Variants in ADGRL3 observed in about 807,000 individuals in gnomAD.
ADGRL3 encodes calcium-independent alpha-latrotoxin receptor 3.
ADGRL3 carries 62 observed loss-of-function variants against 153.5 expected under a neutral mutation model. That is an observed-to-expected ratio of 0.40 (90% CI 0.33 to 0.50). The LOEUF (loss-of-function observed/expected upper bound fraction) is 0.50. Among genes scored for constraint, ADGRL3 ranks in the 20% least tolerant of loss-of-function variants. The pLI, the probability that ADGRL3 is intolerant of heterozygous loss-of-function variation, is 0.47. For missense variants in ADGRL3, 1,641 were observed against 1,859.4 expected (o/e 0.88, Z 2.16); for synonymous variants, 710 against 672.5 (o/e 1.06, Z -0.86).
At chr4:61,439,618 C>T (rs768545096) in intron 2 of ADGRL3, among the ~76,000 whole-genome samples, 7 of 152,074 alleles carry the variant, frequency 4.6e-5, no homozygotes, top group Non-Finnish European at 7.4e-5. Context: ...CTCCAACCCC[C>T]GACACGCCCC....
chr4:61,732,724 T>C lies in ADGRL3; in HGVS notation c.599-30T>C, dbSNP rs2096461849. 7 of 1,216,770 alleles carry C rather than the reference T, an allele frequency of 5.8e-6. 1 individual carries two copies. Among genetic ancestry groups the C allele is most frequent in the Non-Finnish European group, 7.7e-6 (7 of 904,970 alleles). The allele number at this position is 1,216,770 out of a possible 1,614,324, so 75.4% of individuals were successfully genotyped here. A position where few individuals can be genotyped will look rare whatever the true frequency, so the allele number is the denominator to read the frequency against. On this transcript the variant is annotated intron_variant, in intron 7 of 26. Transcript: ENST00000683033. ...TAACAAAATATGAAATTAATATATT[T>C]ATTTATTTTAACTGTTTCCCTTCCA...
chr4:62,045,841 C>T (rs1122336), intron 25 of ADGRL3, among the ~76,000 whole-genome samples: 15,931 of 151,890 alleles, frequency 0.1, 1,103 homozygotes, highest in East Asian at 0.28. Context: ...AAAAGAGCTA[C>T]CTCCTGGTAT....
chr4:61,965,336 T>G (rs2099002431), intron 17 of ADGRL3, among the ~76,000 whole-genome samples: 1 of 152,122 alleles, frequency 6.6e-6, no homozygotes, highest in Non-Finnish European at 1.5e-5. Context: ...CTCTAGTAAA[T>G]AAAGTGATAA....
intron 6 of ADGRL3, among the ~76,000 whole-genome samples, chr4:61,723,982 G>A (rs79612244): frequency 0.023 from 3,503 of 152,212 alleles, 51 homozygotes; most frequent in East Asian, 0.1. Context: ...TACACATTCA[G>A]TAACTGTTAA....
intron 21 of ADGRL3, among the ~76,000 whole-genome samples, chr4:61,999,116 T>C (rs114900299): frequency 6.6e-6 from 1 of 152,316 alleles, no homozygotes; most frequent in Non-Finnish European, 1.5e-5. Context: ...TACTTTGTAA[T>C]ATAAAAATAT....
rs1749713707 is a variant in ADGRL3 at position 61,229,707 on chromosome 4, C to A, written c.-240+27942C>A. ...CCACCAAAGCCCAGGAGTTTGAGACCAGCCTGGGCAACACAGCAAGATCCT... is the reference window on the plus strand; with the variant it reads ...CCACCAAAGCCCAGGAGTTTGAGACAAGCCTGGGCAACACAGCAAGATCCT... On this transcript the variant is annotated intron_variant, in intron 1 of 26. Coordinates refer to ENST00000683033, the MANE Select transcript of ADGRL3 (RefSeq NM_001387552.1). Among the ~76,000 whole-genome samples the A allele has an allele frequency of 2.0e-5, 3 of 151,986 alleles. No individual in the cohort carries two copies. In the South Asian group the frequency reaches 6.2e-4, roughly 32 times the overall value.
At chr4:61,984,128 A>G (rs945472621) in intron 19 of ADGRL3, among the ~76,000 whole-genome samples, 1 of 152,196 alleles carries the variant, frequency 6.6e-6, no homozygotes, top group Non-Finnish European at 1.5e-5. Flanking sequence ...CTGTTAAGAC[A>G]TATGTGTCGA....
chr4:61,517,560 C>T (rs932301667), intron 4 of ADGRL3, 42 bp downstream of exon 4: 1 of 695,612 alleles, frequency 1.4e-6, no homozygotes, highest in Middle Eastern at 3.6e-4. Flanking sequence ...GGTGGCTGGG[C>T]AGGGGCTCCT....
chr4:61,921,653 G>T (rs1021973728), intron 13 of ADGRL3, among the ~76,000 whole-genome samples: 6 of 152,154 alleles, frequency 3.9e-5, no homozygotes, highest in Non-Finnish European at 8.8e-5. Flanking sequence ...TGATTCATCT[G>T]CCTCGGCCTC....
chr4:61,758,474 C>T (rs1313536595), intron 8 of ADGRL3, among the ~76,000 whole-genome samples: 1 of 152,104 alleles, frequency 6.6e-6, no homozygotes, highest in Non-Finnish European at 1.5e-5. Flanking sequence ...GGTTTAAAGT[C>T]TGTTTTATCA....
At chr4:62,069,177 G>T (rs1744560855) in intron 26 of ADGRL3, among the ~76,000 whole-genome samples, 1 of 152,048 alleles carries the variant, frequency 6.6e-6, no homozygotes, top group Non-Finnish European at 1.5e-5. Context: ...TTATTTCACT[G>T]CAGCTGTTTC....
chr4:61,263,602 G>C (rs1259757118), intron 1 of ADGRL3, among the ~76,000 whole-genome samples: 1 of 151,944 alleles, frequency 6.6e-6, no homozygotes, highest in Non-Finnish European at 1.5e-5. Flanking sequence ...TGAGGTACCA[G>C]AAAAAGCCTT....
In ADGRL3 at chr4:62,000,267, AT is replaced by A. The variant is rs902726152; in HGVS notation, c.3395+2011del. Among the ~76,000 whole-genome samples, 35 of 150,982 alleles carry A rather than the reference AT, an allele frequency of 2.3e-4. No individual in the cohort carries two copies. In the East Asian group the frequency reaches 5.7e-3, roughly 24 times the overall value. Reference sequence around the variant, plus strand: ...ATATTTCAAGTATACTTTTTAGGTAATTTTTTTTTCTTTTTTACTTTTTTGT... The same window carrying A: ...ATATTTCAAGTATACTTTTTAGGTAATTTTTTTTCTTTTTTACTTTTTTGT... On this transcript the variant is annotated intron_variant, in intron 21 of 26. Coordinates refer to ENST00000683033, the MANE Select transcript of ADGRL3 (RefSeq NM_001387552.1).
At chr4:61,602,073 G>A (rs1560917679) in intron 5 of ADGRL3, among the ~76,000 whole-genome samples, 1 of 151,996 alleles carries the variant, frequency 6.6e-6, no homozygotes, top group African/African-American at 2.4e-5. Context: ...TAAGTAAACG[G>A]TTAATAAATA....
intron 8 of ADGRL3, among the ~76,000 whole-genome samples, chr4:61,782,835 A>G (rs1486104861): frequency 6.6e-6 from 1 of 152,158 alleles, no homozygotes; most frequent in Non-Finnish European, 1.5e-5. Context: ...AGAAATATTG[A>G]CAGACATAGT....
chr4:61,300,021 G>C (rs2094530849), intron 1 of ADGRL3, among the ~76,000 whole-genome samples: 1 of 151,824 alleles, frequency 6.6e-6, no homozygotes, highest in Non-Finnish European at 1.5e-5. Context: ...GCTTTTTATA[G>C]GTTTAAGAAT....
intron 1 of ADGRL3, among the ~76,000 whole-genome samples, chr4:61,273,495 G>C (rs1339440475): frequency 6.6e-6 from 1 of 152,270 alleles, no homozygotes; most frequent in East Asian, 1.9e-4. Context: ...AAATATGCTT[G>C]CATGGAAAGG....
intron 21 of ADGRL3, among the ~76,000 whole-genome samples, chr4:62,024,606 T>C (rs1717236204): frequency 6.6e-6 from 1 of 152,104 alleles, no homozygotes; most frequent in African/African-American, 2.4e-5. Context: ...AGAAAAATTA[T>C]TAATATTTTA....
chr4:62,006,033 T>TATATA (rs1491468575), intron 21 of ADGRL3, among the ~76,000 whole-genome samples: 37 of 43,704 alleles, frequency 8.5e-4, no homozygotes, highest in South Asian at 1.8e-3. Flanking sequence ...TATATATATA[T>TATATA]TTTTTTTTTT....
Sources: gnomAD v4.1 joint callset for allele counts (sites outside exome capture counted in the v4.1 genomes callset) on GRCh38, gnomAD v4.1.1 for gene constraint, MANE v1.5 for transcripts, NCBI Gene and HGNC (gene_info 2026-07-23, HGNC 2026-07-21) for gene names.